Variants in TRDN observed in about 807,000 individuals in gnomAD.
TRDN encodes triadin.
Under a neutral mutation model 149.7 loss-of-function variants are expected in TRDN, and 161 were observed. The observed-to-expected ratio is 1.08, with a 90% CI of 0.95 to 1.23. TRDN has a LOEUF of 1.23. TRDN is among the 50% of genes most tolerant of loss of function. TRDN has a pLI of 0.00. For synonymous variants in TRDN, 294 were observed against 250.5 expected (o/e 1.17, Z -1.64); for missense variants, 896 against 823.5 (o/e 1.09, Z -1.08).
chr6:123,218,455 C>T lies in TRDN; in HGVS notation c.*146G>A, dbSNP rs1775022187. The T allele has an allele frequency of 1.1e-6, 1 of 879,392 alleles. No homozygotes were observed. Among genetic ancestry groups the T allele is most frequent in the South Asian group, 1.8e-5 (1 of 54,132 alleles). The allele number at this position is 879,392 out of a possible 1,614,324, so 54.5% of individuals were successfully genotyped here. A position where few individuals can be genotyped will look rare whatever the true frequency, so the allele number is the denominator to read the frequency against. ...CTGCTCATCACTCAATCCATTTGGCCACCCTTTCCGTCCACACCAGGCCAA... is the reference window on the plus strand; with the variant it reads ...CTGCTCATCACTCAATCCATTTGGCTACCCTTTCCGTCCACACCAGGCCAA... On this transcript the variant is annotated 3_prime_UTR_variant, in exon 41 of 41. Transcript: ENST00000334268.
intron 1 of TRDN, among the ~76,000 whole-genome samples, chr6:123,633,339 A>G (rs1786114957): frequency 6.6e-6 from 1 of 151,952 alleles, no homozygotes; most frequent in Non-Finnish European, 1.5e-5. Context: ...ATAACAACCT[A>G]ATTGACCAAC....
rs1263617994 is a variant in TRDN at position 123,339,488 on chromosome 6, G to A, written c.1370-1819C>T. ...ATTGTGTTTCATATGTCAACAGGAC[G>A]CCCAAAAAGGAAACATCCAGCAAGC... On this transcript the variant is annotated intron_variant, in intron 21 of 40. Coordinates refer to ENST00000334268, the MANE Select transcript of TRDN (RefSeq NM_006073.4). Among the ~76,000 whole-genome samples, 6 of 152,208 alleles carry A rather than the reference G, an allele frequency of 3.9e-5. No individual in the cohort carries two copies. The East Asian group carries it at 9.7e-4, about 25-fold the overall frequency.
At chr6:123,621,034 T>A (rs1313628227) in intron 1 of TRDN, among the ~76,000 whole-genome samples, 1 of 152,040 alleles carries the variant, frequency 6.6e-6, no homozygotes, top group Non-Finnish European at 1.5e-5. Context: ...ATAGGGACCT[T>A]TTTTGTCCAC....
intron 10 of TRDN, chr6:123,462,299 T>C (rs1776495416): frequency 6.6e-6 from 1 of 152,200 alleles, no homozygotes; most frequent in Non-Finnish European, 1.5e-5. Context: ...GCAAGACCAA[T>C]TTCAAGGCAC....
chr6:123,505,703 C>CT (rs930862671), intron 7 of TRDN, among the ~76,000 whole-genome samples: 1,458 of 145,560 alleles, frequency 0.01, 9 homozygotes, highest in Middle Eastern at 0.035. Context: ...ACTCTATAAA[C>CT]TTTTTTTTTT....
chr6:123,546,043 G>A lies in TRDN; in HGVS notation c.424+1297C>T, dbSNP rs140534302. Among the ~76,000 whole-genome samples the A allele has an allele frequency of 3.3e-5, 5 of 151,954 alleles. No individual in the cohort carries two copies. In the East Asian group the frequency reaches 7.7e-4, roughly 24 times the overall value. ...TCTTCCATTTCCAATGAAAATAAAC[G>A]TGCATAAGCTGTTATTTCCAGATAA... On this transcript the variant is annotated intron_variant, in intron 4 of 40. Coordinates refer to ENST00000334268, the MANE Select transcript of TRDN (RefSeq NM_006073.4).
rs115489054 is a variant in TRDN, at chr6:123,273,297, G to T, written c.1624+40C>A. Reference sequence around the variant, plus strand: ...TTTGAAAACGTTTCAATATTTTTTCGTAAGAAAGTCTAAGCATAAAAGATA... The same window carrying T: ...TTTGAAAACGTTTCAATATTTTTTCTTAAGAAAGTCTAAGCATAAAAGATA... On this transcript the variant is annotated intron_variant, in intron 28 of 40. Transcript: ENST00000334268. The T allele has an allele frequency of 2.9e-3, 3,165 of 1,077,206 alleles. 83 individuals carry two copies. In the African/African-American group the frequency reaches 0.046, roughly 15 times the overall value. The allele number at this position is 1,077,206 out of a possible 1,614,324, so 66.7% of individuals were successfully genotyped here. A position where few individuals can be genotyped will look rare whatever the true frequency, so the allele number is the denominator to read the frequency against.
At position 123,573,718 on chromosome 6, in the gene TRDN, G is replaced by C. The variant is rs144860614; in HGVS notation, c.23-2586C>G. 7.6e-4 allele frequency among the ~76,000 whole-genome samples: 116 copies of C among 152,030 alleles called. 2 individuals are homozygous for C. The East Asian group carries it at 0.015, about 19-fold the overall frequency. ...AAGTAGAGGCTGTTTTATCCCATTA[G>C]CAAAATTAGAAAAGATGATCTATGG... On this transcript the variant is annotated intron_variant, in intron 1 of 40. Transcript: ENST00000334268.
At chr6:123,510,704 C>T (rs937514057) in intron 7 of TRDN, among the ~76,000 whole-genome samples, 7 of 150,574 alleles carry the variant, frequency 4.6e-5, no homozygotes, top group African/African-American at 9.8e-5. Context: ...AGTGCAGTGG[C>T]GCAATCTCAG....
chr6:123,253,876 T>C (rs541890154), intron 37 of TRDN, among the ~76,000 whole-genome samples: 39 of 152,264 alleles, frequency 2.6e-4, no homozygotes, highest in African/African-American at 8.7e-4. Flanking sequence ...CTTGGGCTGC[T>C]GTGATTGGCA....
At chr6:123,481,669 G>A (rs183891557) in intron 9 of TRDN, among the ~76,000 whole-genome samples, 179 of 152,160 alleles carry the variant, frequency 1.2e-3, no homozygotes, top group African/African-American at 4.1e-3. Context: ...AGTACCACAC[G>A]TGTTACATCT....
At chr6:123,405,454 A>G (rs1453837304) in intron 12 of TRDN, among the ~76,000 whole-genome samples, 6 of 152,220 alleles carry the variant, frequency 3.9e-5, no homozygotes, top group Admixed American at 3.9e-4. Context: ...AATATGAACT[A>G]TACGCTGAGT....
At chr6:123,506,259 C>T (rs1778916712) in intron 7 of TRDN, among the ~76,000 whole-genome samples, 1 of 152,126 alleles carries the variant, frequency 6.6e-6, no homozygotes. Flanking sequence ...AATAAAACTA[C>T]CTGAATAAAT....
intron 1 of TRDN, among the ~76,000 whole-genome samples, chr6:123,607,157 C>T (rs1303347584): frequency 6.6e-6 from 1 of 152,140 alleles, no homozygotes; most frequent in Non-Finnish European, 1.5e-5. Context: ...TTAGGGATTA[C>T]TTTATTGATT....
intron 38 of TRDN, among the ~76,000 whole-genome samples, chr6:123,245,287 A>C (rs1354890331): frequency 6.6e-6 from 1 of 152,196 alleles, no homozygotes; most frequent in Non-Finnish European, 1.5e-5. Context: ...CCCAATTAAA[A>C]AACACAGACT....
chr6:123,314,358 G>A (rs1024462142), intron 24 of TRDN, among the ~76,000 whole-genome samples: 20 of 152,026 alleles, frequency 1.3e-4, no homozygotes, highest in African/African-American at 4.8e-4. Flanking sequence ...AGATACCGAT[G>A]AGGTTGTGGA....
At chr6:123,481,955 T>C (rs1001345897) in intron 9 of TRDN, among the ~76,000 whole-genome samples, 1 of 152,176 alleles carries the variant, frequency 6.6e-6, no homozygotes, top group African/African-American at 2.4e-5. Context: ...TAAAATCAAT[T>C]TGGCACTTTT....
At chr6:123,456,164 T>C (rs571068942) in intron 10 of TRDN, among the ~76,000 whole-genome samples, 14 of 152,330 alleles carry the variant, frequency 9.2e-5, no homozygotes, top group Admixed American at 3.9e-4. Flanking sequence ...TACTAGTATA[T>C]GGGACACATG....
rs766464676 is a variant in TRDN at position 123,559,176 on chromosome 6, G to A, written c.233-10564C>T. Among the ~76,000 whole-genome samples, 52 of 152,172 alleles carry A rather than the reference G, an allele frequency of 3.4e-4. 1 individual carries two copies. The highest frequency in any genetic ancestry group is 6.2e-4 in the Non-Finnish European group (42 of 68,034). ...TGCTTTGGGTAACTCTCACAGTGGA[G>A]GGTGAGTCTGTCCCCTTCTTAATCA... On this transcript the variant is annotated intron_variant, in intron 2 of 40. Coordinates refer to ENST00000334268, the MANE Select transcript of TRDN (RefSeq NM_006073.4).
Sources: gnomAD v4.1 joint callset for allele counts (sites outside exome capture counted in the v4.1 genomes callset) on GRCh38, gnomAD v4.1.1 for gene constraint, MANE v1.5 for transcripts, NCBI Gene and HGNC (gene_info 2026-07-23, HGNC 2026-07-21) for gene names.